The following HS2ST1 variants were observed in gnomAD, a reference collection of about 807,000 sequenced individuals.
The protein encoded by HS2ST1 is 2-O-sulfotransferase.
Under a neutral mutation model 42.9 loss-of-function variants are expected in HS2ST1, and 18 were observed. That is an observed-to-expected ratio of 0.42 (90% CI 0.29 to 0.62). The LOEUF is 0.62. HS2ST1 is among the 20% of genes least tolerant of loss of function. The pLI is 0.21. For missense variants in HS2ST1, 334 were observed against 433.8 expected, an observed-to-expected ratio of 0.77 and a Z score of 2.04; for synonymous variants, 146 against 152.9, an observed-to-expected ratio of 0.95 and a Z score of 0.33.
intron 1 of HS2ST1, among the ~76,000 whole-genome samples, chr1:86,923,179 A>G (rs892618975): frequency 2.6e-5 from 4 of 152,134 alleles, no homozygotes; most frequent in Admixed American, 1.3e-4. Flanking sequence ...GAAGTTTAAT[A>G]TAGGTCTTTA....
intron 1 of HS2ST1, among the ~76,000 whole-genome samples, chr1:86,942,951 G>A (rs1406778598): frequency 6.6e-6 from 1 of 151,942 alleles, no homozygotes; most frequent in East Asian, 1.9e-4. Context: ...ACAATCATCA[G>A]ACTTTCTGGC....
chr1:87,047,217 T>C (rs1650703745), intron 1 of HS2ST1, among the ~76,000 whole-genome samples: 1 of 152,202 alleles, frequency 6.6e-6, no homozygotes. Flanking sequence ...CAAACGTCTT[T>C]CATCTTCTTA....
chr1:86,940,456 A>G (rs981048073), intron 1 of HS2ST1, among the ~76,000 whole-genome samples: 1 of 152,214 alleles, frequency 6.6e-6, no homozygotes, highest in African/African-American at 2.4e-5. Flanking sequence ...TTGAATATTT[A>G]GTTACTATTT....
At chr1:87,020,048 A>C (rs1020181820) in intron 1 of HS2ST1, among the ~76,000 whole-genome samples, 1 of 152,228 alleles carries the variant, frequency 6.6e-6, no homozygotes, top group African/African-American at 2.4e-5. Context: ...AGTATCTCTC[A>C]TTATTTTCTG....
chr1:86,998,351 C>G (rs559468374), intron 1 of HS2ST1, among the ~76,000 whole-genome samples: 1 of 152,302 alleles, frequency 6.6e-6, no homozygotes, highest in South Asian at 2.1e-4. Context: ...TTCTACAGAG[C>G]TACTGCTGAG....
chr1:86,963,683 C>T (rs999281195), intron 1 of HS2ST1, among the ~76,000 whole-genome samples: 71 of 150,522 alleles, frequency 4.7e-4, no homozygotes, highest in African/African-American at 1.4e-3. Context: ...ACCTCCCAGA[C>T]GGGGGTGACA....
chr1:87,008,342 C>G (rs1435639897), intron 1 of HS2ST1, among the ~76,000 whole-genome samples: 1 of 152,132 alleles, frequency 6.6e-6, no homozygotes, highest in Non-Finnish European at 1.5e-5. Flanking sequence ...CATATACCAT[C>G]AGTTAATGAC....
At chr1:87,016,112 G>A (rs1007036532) in intron 1 of HS2ST1, among the ~76,000 whole-genome samples, 2 of 152,308 alleles carry the variant, frequency 1.3e-5, no homozygotes, top group South Asian at 4.1e-4. Flanking sequence ...GCTGTGCCCG[G>A]CCTTAGCTCT....
At chr1:87,034,486 A>G (rs1471943276) in intron 1 of HS2ST1, among the ~76,000 whole-genome samples, 3 of 152,196 alleles carry the variant, frequency 2.0e-5, no homozygotes, top group Non-Finnish European at 4.4e-5. Flanking sequence ...GAGATTTTAC[A>G]TAATTCACTA....
At chr1:87,026,847 A>C (rs1046473800) in intron 1 of HS2ST1, among the ~76,000 whole-genome samples, 10 of 148,086 alleles carry the variant, frequency 6.8e-5, no homozygotes, top group Non-Finnish European at 3.0e-5. Context: ...ATTGATGGGA[A>C]GAAAAAAAAA....
At chr1:86,976,037 A>C (rs1648390275) in intron 1 of HS2ST1, among the ~76,000 whole-genome samples, 1 of 152,224 alleles carries the variant, frequency 6.6e-6, no homozygotes, top group Admixed American at 6.5e-5. Flanking sequence ...CATAAAACCA[A>C]AGTGTACATT....
intron 3 of HS2ST1, among the ~76,000 whole-genome samples, chr1:87,086,425 A>C (rs1175741476): frequency 6.6e-6 from 1 of 152,218 alleles, no homozygotes; most frequent in Non-Finnish European, 1.5e-5. Flanking sequence ...TTTACTCTTC[A>C]AAACAATATT....
chr1:86,945,704 C>T (rs1274792822), intron 1 of HS2ST1, among the ~76,000 whole-genome samples: 1 of 152,114 alleles, frequency 6.6e-6, no homozygotes, highest in African/African-American at 2.4e-5. Context: ...ATCGGAAGAA[C>T]TTCAAATATA....
chr1:87,010,308 T>A (rs1570482398), intron 1 of HS2ST1, among the ~76,000 whole-genome samples: 1 of 152,018 alleles, frequency 6.6e-6, no homozygotes, highest in East Asian at 1.9e-4. Context: ...TTTTTTTTTT[T>A]AGCTTTTACA....
chr1:86,969,405 C>T (rs1245811241), intron 1 of HS2ST1, among the ~76,000 whole-genome samples: 4 of 151,826 alleles, frequency 2.6e-5, no homozygotes, highest in African/African-American at 7.3e-5. Context: ...TGTGTGTGTG[C>T]GCACGTGCCT....
intron 1 of HS2ST1, chr1:87,064,597 C>T (rs1034070805): frequency 1.0e-5 from 5 of 497,580 alleles, no homozygotes; most frequent in African/African-American, 9.8e-5. Context: ...ATCTCTCTAC[C>T]TTGCATATAG....
At chr1:86,923,904 T>G (rs1252279410) in intron 1 of HS2ST1, among the ~76,000 whole-genome samples, 2 of 152,090 alleles carry the variant, frequency 1.3e-5, no homozygotes, top group Non-Finnish European at 2.9e-5. Flanking sequence ...TCCTCACATT[T>G]CAAAACCAAT....
chr1:86,961,286 A>T (rs1242474440), intron 1 of HS2ST1, among the ~76,000 whole-genome samples: 1 of 152,144 alleles, frequency 6.6e-6, no homozygotes, highest in Admixed American at 6.5e-5. Flanking sequence ...TGAACTACAG[A>T]TGTGATGAAT....
intron 1 of HS2ST1, among the ~76,000 whole-genome samples, chr1:86,963,306 G>GCCTACC: frequency 6.6e-6 from 1 of 152,258 alleles, no homozygotes; most frequent in South Asian, 2.1e-4. Flanking sequence ...GGATCCTGCG[G>GCCTACC]CCTACCGCAG....
Sources: allele counts gnomAD v4.1 joint callset (sites outside exome capture counted in the v4.1 genomes callset), GRCh38; gene constraint gnomAD v4.1.1; transcripts MANE v1.5; gene names NCBI Gene and HGNC (gene_info 2026-07-23, HGNC 2026-07-21).